Variants in NMBR observed in about 807,000 individuals in gnomAD.
The protein encoded by NMBR is neuromedin B receptor, also known as neuromedin-B receptor.
A neutral mutation model predicts 20.5 loss-of-function variants in NMBR; 16 were observed. The observed-to-expected ratio is 0.78, with a 90% CI of 0.53 to 1.19. The LOEUF (loss-of-function observed/expected upper bound fraction) is 1.19, where lower values mean the gene tolerates loss of function less well. Among genes scored for constraint, NMBR ranks in the 50% most tolerant of loss-of-function variants. The pLI, the probability that NMBR is intolerant of heterozygous loss-of-function variation, is 0.00. For synonymous variants in NMBR, 212 were observed against 196.6 expected (o/e 1.08, Z -0.65); for missense variants, 582 against 499.1 (o/e 1.17, Z -1.58).
intron 1 of NMBR, among the ~76,000 whole-genome samples, chr6:142,138,719 C>G (rs963222906): frequency 6.6e-6 from 1 of 152,176 alleles, no homozygotes; most frequent in African/African-American, 2.4e-5. Flanking sequence ...TGCTGACAAA[C>G]ATACACATTT....
chr6:142,095,364 T>G (rs981926863), intron 1 of NMBR, among the ~76,000 whole-genome samples: 6 of 152,142 alleles, frequency 3.9e-5, no homozygotes, highest in East Asian at 1.9e-4. Flanking sequence ...TAGCATGAAG[T>G]GTTGTTGAAT....
intron 1 of NMBR, among the ~76,000 whole-genome samples, chr6:142,102,113 G>A (rs933317590): frequency 3.3e-5 from 5 of 152,128 alleles, no homozygotes; most frequent in African/African-American, 1.2e-4. Flanking sequence ...TTGCAGCTGG[G>A]CGCGGTGGCT....
intron 1 of NMBR, among the ~76,000 whole-genome samples, chr6:142,096,792 A>T (rs910148751): frequency 6.6e-6 from 1 of 151,664 alleles, no homozygotes; most frequent in African/African-American, 2.4e-5. Context: ...TCCCATTATT[A>T]TTGTGTGGGA....
intron 1 of NMBR, among the ~76,000 whole-genome samples, chr6:142,119,774 C>T (rs1183885059): frequency 6.6e-6 from 1 of 151,778 alleles, no homozygotes; most frequent in Non-Finnish European, 1.5e-5. Flanking sequence ...GACCTTGAAA[C>T]AAAGAGTTTC....
At chr6:142,086,312 C>T (rs1456285999) in intron 2 of NMBR, among the ~76,000 whole-genome samples, 2 of 151,952 alleles carry the variant, frequency 1.3e-5, no homozygotes, top group African/African-American at 4.8e-5. Context: ...AAAAATTACA[C>T]AAAAAAAGTT....
chr6:142,113,401 G>A (rs1777804546), intron 1 of NMBR, among the ~76,000 whole-genome samples: 1 of 152,034 alleles, frequency 6.6e-6, no homozygotes, highest in Non-Finnish European at 1.5e-5. Context: ...TTCATGAATC[G>A]CATGAGGAAC....
chr6:142,076,002 G>A lies in NMBR; in HGVS notation c.819C>T (p.Gly273=). ...TTGGAAACCAACAGAAGATGAAACA[G>A]CCCACAAAGACAAGCACAATTTTAG... is the stretch of plus-strand genomic sequence containing the variant. The part of the protein sequence containing the change: ...RLAKIVLVFV[G]CFIFCWFPNH... Residue 273 remains glycine, a synonymous_variant, in exon 4 of 4, where the codon GGC becomes GGT. Transcript: ENST00000258042. The A allele has an allele frequency of 6.2e-7, 1 of 1,607,492 alleles. No individual in the cohort carries two copies. The highest frequency in any genetic ancestry group is 2.2e-5 in the East Asian group (1 of 44,774).
intron 1 of NMBR, among the ~76,000 whole-genome samples, chr6:142,099,714 T>C (rs1305039456): frequency 6.6e-6 from 1 of 152,160 alleles, no homozygotes; most frequent in Non-Finnish European, 1.5e-5. Flanking sequence ...CTTAATAACT[T>C]ATTCAAAACT....
chr6:142,118,716 G>A (rs967831979), intron 1 of NMBR, among the ~76,000 whole-genome samples: 1 of 152,008 alleles, frequency 6.6e-6, no homozygotes, highest in Non-Finnish European at 1.5e-5. Context: ...AGAAACCCAT[G>A]GAAGGAAGGA....
At chr6:142,110,532 G>C (rs1777744168) in intron 1 of NMBR, among the ~76,000 whole-genome samples, 1 of 152,184 alleles carries the variant, frequency 6.6e-6, no homozygotes, top group Non-Finnish European at 1.5e-5. Context: ...AATGCTAGAA[G>C]AGGCAAATCT....
intron 1 of NMBR, among the ~76,000 whole-genome samples, chr6:142,094,683 T>G (rs890458404): frequency 3.3e-5 from 5 of 152,074 alleles, no homozygotes; most frequent in South Asian, 2.1e-4. Context: ...TTCCAATTCT[T>G]TGAAGAAAGT....
intron 1 of NMBR, among the ~76,000 whole-genome samples, chr6:142,104,200 C>A (rs1279730807): frequency 2.0e-5 from 3 of 152,128 alleles, no homozygotes; most frequent in Admixed American, 1.3e-4. Context: ...GTTAAAGACA[C>A]AACTGACAAG....
At chr6:142,135,536 G>T (rs1778237174) in intron 1 of NMBR, among the ~76,000 whole-genome samples, 1 of 151,434 alleles carries the variant, frequency 6.6e-6, no homozygotes, top group Admixed American at 6.6e-5. Flanking sequence ...GGGTACATGT[G>T]CACAATGTGC....
chr6:142,081,632 A>G (rs1336653123), intron 2 of NMBR, among the ~76,000 whole-genome samples: 1 of 152,242 alleles, frequency 6.6e-6, no homozygotes, highest in African/African-American at 2.4e-5. Context: ...TTGTCGAAGA[A>G]AAATGTTGTA....
intron 1 of NMBR, among the ~76,000 whole-genome samples, chr6:142,131,595 C>T (rs947662480): frequency 6.6e-6 from 1 of 152,110 alleles, no homozygotes; most frequent in Non-Finnish European, 1.5e-5. Context: ...ATCATATTTT[C>T]CTAAAGAAAT....
At chr6:142,078,384 G>A (rs1261285154) in intron 3 of NMBR, among the ~76,000 whole-genome samples, 171 bp downstream of exon 3, 2 of 152,036 alleles carry the variant, frequency 1.3e-5, no homozygotes, top group African/African-American at 4.8e-5. Flanking sequence ...CCTTTGCAGG[G>A]CTCTGATATG....
intron 1 of NMBR, among the ~76,000 whole-genome samples, chr6:142,107,286 T>C (rs1477901774): frequency 2.0e-5 from 3 of 152,174 alleles, no homozygotes; most frequent in Non-Finnish European, 4.4e-5. Flanking sequence ...AAAACCAGTC[T>C]TGCAAAGGGG....
chr6:142,134,453 GT>G (rs2114609750), intron 1 of NMBR: 1 of 459,484 alleles, frequency 2.2e-6, no homozygotes, highest in African/African-American at 2.0e-5. Context: ...TCTGTTGAGA[GT>G]TAGTGGGGTT....
At chr6:142,139,066 C>A (rs1043129300) in intron 1 of NMBR, among the ~76,000 whole-genome samples, 5 of 152,134 alleles carry the variant, frequency 3.3e-5, no homozygotes, top group African/African-American at 9.7e-5. Flanking sequence ...ATTCTACCCT[C>A]CTGCTGGTTG....
Sources: gnomAD v4.1 joint callset for allele counts (sites outside exome capture counted in the v4.1 genomes callset) on GRCh38, gnomAD v4.1.1 for gene constraint, MANE v1.5 for transcripts, NCBI Gene and HGNC (gene_info 2026-07-23, HGNC 2026-07-21) for gene names.